WASHC5: variants seen among roughly 807,000 people sequenced by gnomAD.
WASHC5 encodes the protein WASH complex subunit 5, also known as WASH complex subunit strumpellin.
A neutral mutation model predicts 150.4 loss-of-function variants in WASHC5; 101 were observed. That is an observed-to-expected ratio of 0.67 (90% CI 0.57 to 0.79). The LOEUF is 0.79. WASHC5 is among the 30% of genes least tolerant of loss of function. WASHC5 has a pLI of 0.00. For missense variants in WASHC5, 1,195 were observed against 1,396.3 expected (o/e 0.86, Z 2.30); for synonymous variants, 467 against 491.2 (o/e 0.95, Z 0.65).
intron 10 of WASHC5, among the ~76,000 whole-genome samples, chr8:125,067,385 T>C (rs1036583064): frequency 1.9e-4 from 29 of 152,198 alleles, no homozygotes; most frequent in African/African-American, 7.0e-4. Flanking sequence ...TTGAGTACCT[T>C]TCCCCATCAC....
rs932940351 is a variant in WASHC5, at chr8:125,029,061, T to C, written c.3336-354A>G. Among the ~76,000 whole-genome samples the C allele has an allele frequency of 2.3e-4, 34 of 151,026 alleles. 1 individual carries two copies. Among genetic ancestry groups the C allele is most frequent in the Non-Finnish European group, 3.7e-4 (25 of 67,828 alleles). On this transcript the variant is annotated intron_variant, in intron 27 of 28. Transcript: ENST00000318410. The stretch of plus-strand genomic sequence containing the variant: ...TTTTTTTTTTTTTGCGACAGACTTT[T>C]CACTCTTGTAGCCAGGCTGGAGTGC...
chr8:125,047,781 C>T (rs575403991), intron 19 of WASHC5, among the ~76,000 whole-genome samples: 1 of 152,196 alleles, frequency 6.6e-6, no homozygotes, highest in Non-Finnish European at 1.5e-5. Flanking sequence ...AACACTTGAC[C>T]TCAGGTGATC....
At chr8:125,045,871 C>T (rs140159292) in intron 20 of WASHC5, among the ~76,000 whole-genome samples, 95 of 152,286 alleles carry the variant, frequency 6.2e-4, no homozygotes, top group African/African-American at 2.2e-3. Context: ...TCTGCCTGCA[C>T]TAATAGGGCA....
chr8:125,050,613 C>G lies in WASHC5; in HGVS notation c.2150G>C (p.Arg717Pro), dbSNP rs918985491. Residue 717 changes from arginine to proline, a missense_variant, in exon 18 of 29, where the codon CGC becomes CCC. Physicochemically the swap from Arg to Pro is moderately radical, Grantham distance 103. Around this residue, in one of 3 missense-constraint regions of WASHC5, gnomAD observed 997 missense variants for 1,168.1 expected, o/e 0.85. Transcript: ENST00000318410. ...TCCCCTATGCAGGGCAAAGGCAACG[C>G]GCTTCACAAGCTCTTTCCTTATTCC... ...EDGIRKELVKRVAFALHRGLI... is the reference protein window; with the variant it reads ...EDGIRKELVKPVAFALHRGLI... 1 of 1,614,176 alleles carries G rather than the reference C, an allele frequency of 6.2e-7. No homozygotes were observed. The highest frequency in any genetic ancestry group is 2.2e-5 in the East Asian group (1 of 44,886).
At chr8:125,082,936 T>C (rs1220568278) in intron 3 of WASHC5, 177 bp downstream of exon 3, 15 of 541,478 alleles carry the variant, frequency 2.8e-5, no homozygotes, top group Non-Finnish European at 4.9e-5. Flanking sequence ...GACATTATAG[T>C]AAAACTTCAA....
intron 23 of WASHC5, among the ~76,000 whole-genome samples, chr8:125,043,479 T>A (rs527266890): frequency 6.6e-6 from 1 of 152,232 alleles, no homozygotes; most frequent in African/African-American, 2.4e-5. Flanking sequence ...TTGGAGCAGA[T>A]GAGGTGTGTA....
chr8:125,032,938 T>C (rs1815584372), intron 26 of WASHC5, among the ~76,000 whole-genome samples: 2 of 151,736 alleles, frequency 1.3e-5, no homozygotes, highest in Non-Finnish European at 2.9e-5. Context: ...TTTTAAAAAT[T>C]GGAGATGGGG....
At chr8:125,078,974 T>C (rs1344962863) in intron 5 of WASHC5, 44 bp from the exon 6 acceptor site, 1 of 1,517,120 alleles carries the variant, frequency 6.6e-7, no homozygotes, top group East Asian at 2.3e-5. Flanking sequence ...AAAACACACA[T>C]ATTAGAAACT....
In WASHC5 at chr8:125,043,852, C is replaced by G; in HGVS notation, c.2823G>C (p.Trp941Cys). ...FSAIAKTQKIWTAYLEAIMKV... is the reference protein window; with the variant it reads ...FSAIAKTQKICTAYLEAIMKV... Reference sequence around the variant, plus strand: ...TCATTATAGCCTCGAGATACGCAGTCCAAATCTTCTGTGTTTTGGCAATGG... The same window carrying G: ...TCATTATAGCCTCGAGATACGCAGTGCAAATCTTCTGTGTTTTGGCAATGG... Residue 941 changes from tryptophan (W) to cysteine (C), a missense_variant, in exon 23 of 29, where the codon TGG (tryptophan) becomes TGC (cysteine). Physicochemically the swap from Trp to Cys is radical, Grantham distance 215. This residue lies in a region of WASHC5 where 997 missense variants were observed against 1,168.1 expected (regional missense o/e 0.85). Coordinates refer to ENST00000318410, the MANE Select transcript of WASHC5 (RefSeq NM_014846.4). 6.2e-7 allele frequency: 1 copy of G among 1,612,412 alleles called. No homozygotes were observed. Among genetic ancestry groups the G allele is most frequent in the South Asian group, 1.1e-5 (1 of 91,038 alleles).
chr8:125,056,417 A>T (rs1238120882), intron 16 of WASHC5, among the ~76,000 whole-genome samples: 1 of 152,252 alleles, frequency 6.6e-6, no homozygotes, highest in African/African-American at 2.4e-5. Flanking sequence ...CAAGACTGTT[A>T]TAGGAAAAAG....
At chr8:125,047,115 C>A in intron 20 of WASHC5, 92 bp downstream of exon 20, 1 of 1,493,648 alleles carries the variant, frequency 6.7e-7, no homozygotes, top group South Asian at 1.1e-5. Context: ...GCAGGACCCC[C>A]GTGACTGGAA....
chr8:125,037,308 G>T lies in WASHC5; in HGVS notation c.3110C>A (p.Pro1037His). The change falls in exon 26 of 29, where the codon CCC (proline) becomes CAC (histidine). Residue 1037 changes from proline to histidine, a missense_variant. Transcript: ENST00000318410. ...TAGAAAGTTTACAATTGGAAAATAG[G>T]GTAAGCGCTTTGTTGTTATGTATAT... is the stretch of plus-strand genomic sequence containing the variant. ...NKIYITTKRL[P>H]YFPIVNFLFL... The T allele has an allele frequency of 6.2e-7, 1 of 1,610,974 alleles. No homozygotes were observed. Among genetic ancestry groups the T allele is most frequent in the Non-Finnish European group, 8.5e-7 (1 of 1,177,334 alleles).
rs557704523 is a variant in WASHC5, at chr8:125,083,373, A to C, written c.187-115T>G. The C allele has an allele frequency of 7.1e-4, 666 of 933,778 alleles. 3 individuals are homozygous for C. In the African/African-American group the frequency reaches 8.5e-3, roughly 12 times the overall value. The allele number at this position is 933,778 out of a possible 1,614,324, so 57.8% of individuals were successfully genotyped here. On this transcript the variant is annotated intron_variant, in intron 2 of 28. Coordinates refer to ENST00000318410, the MANE Select transcript of WASHC5 (RefSeq NM_014846.4). ...TTATTAGACATCCCAAACTTAAAGC[A>C]GAGCAACAGAAAGTAGTGAAGATAA...
At chr8:125,041,360 G>A (rs1815880379) in intron 23 of WASHC5, among the ~76,000 whole-genome samples, 1 of 152,142 alleles carries the variant, frequency 6.6e-6, no homozygotes, top group South Asian at 2.1e-4. Context: ...AAGAGTTAAG[G>A]AAAAGACAGG....
At chr8:125,072,690 C>A (rs1816934253) in intron 9 of WASHC5, among the ~76,000 whole-genome samples, 1 of 152,114 alleles carries the variant, frequency 6.6e-6, no homozygotes, top group Non-Finnish European at 1.5e-5. Context: ...CTTATGATTA[C>A]ACTGAGTCCA....
rs191841965 is a variant in WASHC5 at position 125,059,950 on chromosome 8, T to C, written c.1522-408A>G. 1.6e-3 allele frequency among the ~76,000 whole-genome samples: 251 copies of C among 152,246 alleles called. 1 individual carries two copies. Among genetic ancestry groups the C allele is most frequent in the African/African-American group, 5.8e-3 (243 of 41,550 alleles). On this transcript the variant is annotated intron_variant, in intron 12 of 28. Coordinates refer to ENST00000318410, the MANE Select transcript of WASHC5 (RefSeq NM_014846.4). ...AGTTGTTTACGATCATATTATAGAC[T>C]AAAAAAATCCAAACAAGCAAAGTAG...
chr8:125,038,719 C>T (rs1192798241), intron 25 of WASHC5, 111 bp downstream of exon 25: 1 of 1,273,694 alleles, frequency 7.9e-7, no homozygotes, highest in African/African-American at 1.5e-5. Context: ...GGAATGAAGG[C>T]TCTGGGGTCT....
intron 10 of WASHC5, among the ~76,000 whole-genome samples, chr8:125,064,760 TGCCA>T (rs1816699622): frequency 6.6e-6 from 1 of 152,154 alleles, no homozygotes; most frequent in East Asian, 1.9e-4. Flanking sequence ...ATTCCTCACT[TGCCA>T]GCATCATAAT....
intron 26 of WASHC5, among the ~76,000 whole-genome samples, chr8:125,034,839 A>G (rs1471344119): frequency 6.6e-6 from 1 of 152,236 alleles, no homozygotes; most frequent in East Asian, 1.9e-4. Context: ...GGAAAGCAAG[A>G]GTGATGTTAA....
Sources: allele counts gnomAD v4.1 joint callset (sites outside exome capture counted in the v4.1 genomes callset), GRCh38; gene constraint gnomAD v4.1.1; regional missense constraint gnomAD v4.1.1; transcripts MANE v1.5; gene names NCBI Gene and HGNC (gene_info 2026-07-23, HGNC 2026-07-21).